GLIS3: variants seen among roughly 807,000 people sequenced by gnomAD.
The protein encoded by GLIS3 is GLIS family zinc finger 3, also known as zinc finger protein GLIS3.
Under a neutral mutation model 78.6 loss-of-function variants are expected in GLIS3, and 53 were observed. The observed-to-expected ratio is 0.67, with a 90% CI of 0.54 to 0.85. The LOEUF is 0.85. Ranked by LOEUF, GLIS3 falls within the 40% of genes least tolerant of loss-of-function variation. GLIS3 has a pLI of 0.00. For missense variants in GLIS3, 1,703 were observed against 1,231.1 expected, an observed-to-expected ratio of 1.38 and a Z score of -5.74; for synonymous variants, 684 against 509.9, an observed-to-expected ratio of 1.34 and a Z score of -4.60.
the GLIS3 span, among the ~76,000 whole-genome samples, chr9:4,412,363 C>T: frequency 4.6e-5 from 7 of 152,164 alleles, no homozygotes; most frequent in African/African-American, 1.7e-4. Flanking sequence ...AAGTTTAGAT[C>T]TTGAAGCAGA....
the GLIS3 span, among the ~76,000 whole-genome samples, chr9:4,490,000 CA>C: frequency 6.6e-6 from 1 of 152,218 alleles, no homozygotes; most frequent in African/African-American, 2.4e-5. Flanking sequence ...GCTGCTGGCA[CA>C]TCCCAGCCTG....
intron 7 of GLIS3, among the ~76,000 whole-genome samples, chr9:3,895,116 C>T (rs1452688440): frequency 1.3e-5 from 2 of 152,208 alleles, no homozygotes; most frequent in Non-Finnish European, 2.9e-5. Flanking sequence ...TCCACACTGT[C>T]CATGATATCT....
chr9:3,995,893 T>C (rs75771466), intron 4 of GLIS3, among the ~76,000 whole-genome samples: 1,842 of 152,188 alleles, frequency 0.012, 39 homozygotes, highest in African/African-American at 0.042. Flanking sequence ...TGGCAACATT[T>C]TGAAAAAGAA....
intron 9 of GLIS3, among the ~76,000 whole-genome samples, chr9:3,833,317 A>G (rs537119178): frequency 2.0e-5 from 3 of 152,312 alleles, no homozygotes; most frequent in African/African-American, 7.2e-5. Flanking sequence ...GTTTTCATAT[A>G]TTCTCTTCCC....
At chr9:4,214,864 T>C (rs988546548) in intron 2 of GLIS3, among the ~76,000 whole-genome samples, 1 of 152,288 alleles carries the variant, frequency 6.6e-6, no homozygotes, top group East Asian at 1.9e-4. Context: ...GCAAGGCTGG[T>C]CAATGGCATA....
chr9:4,117,658 C>A, intron 4 of GLIS3, 110 bp downstream of exon 4: 1 of 1,223,240 alleles, frequency 8.2e-7, no homozygotes, highest in Non-Finnish European at 1.2e-6. Context: ...CTCATGGATA[C>A]CTAGACCCCC....
intron 4 of GLIS3, among the ~76,000 whole-genome samples, chr9:3,985,445 G>A (rs1819663203): frequency 6.6e-6 from 1 of 152,148 alleles, no homozygotes; most frequent in Non-Finnish European, 1.5e-5. Flanking sequence ...ACTGCACCCA[G>A]CCCCAGTCAA....
intron 4 of GLIS3, among the ~76,000 whole-genome samples, chr9:3,986,123 T>C (rs494215): frequency 0.29 from 44,623 of 152,122 alleles, 6,567 homozygotes; most frequent in Non-Finnish European, 0.31. Flanking sequence ...ATTTTCAATA[T>C]CTTAGAGCCA....
At chr9:4,397,912 C>T in the GLIS3 span, among the ~76,000 whole-genome samples, 17 of 152,078 alleles carry the variant, frequency 1.1e-4, no homozygotes, top group South Asian at 3.3e-3. Context: ...TCTCTATAGA[C>T]ATTCCTCCAT....
intron 4 of GLIS3, among the ~76,000 whole-genome samples, chr9:4,028,390 G>C (rs1401378266): frequency 2.0e-5 from 3 of 152,108 alleles, no homozygotes; most frequent in Non-Finnish European, 4.4e-5. Context: ...TGGGACCAAA[G>C]GATTTCCCAT....
At chr9:4,026,349 G>A (rs773443578) in intron 4 of GLIS3, among the ~76,000 whole-genome samples, 1 of 152,124 alleles carries the variant, frequency 6.6e-6, no homozygotes, top group South Asian at 2.1e-4. Flanking sequence ...TTTTATCATT[G>A]TACTATCTGA....
chr9:4,024,227 C>T (rs543057696), intron 4 of GLIS3, among the ~76,000 whole-genome samples: 2 of 152,122 alleles, frequency 1.3e-5, no homozygotes, highest in South Asian at 2.1e-4. Flanking sequence ...CGAGACTGTA[C>T]AGTGAATTAA....
In GLIS3 at chr9:4,118,139, G is replaced by C; in HGVS notation, c.1339C>G (p.Pro447Ala). 6.4e-7 allele frequency: 1 copy of C among 1,551,102 alleles called. No homozygotes were observed. Residue 447 changes from proline to alanine, a missense_variant, in exon 4 of 11, where the codon CCT (proline) becomes GCT (alanine). Transcript: ENST00000381971. The surrounding 1 kb of genome is among the most constrained non-coding windows in gnomAD (Gnocchi z 4.7). ...GGCGGCGGCAGAGGAGGGAGCGGAG[G>C]CGCGGGGGGTAGGTCTACGGTGCTG... ...PGSTVDLPPA[P>A]PLPPLPPPPG...
rs558594316 is a variant in GLIS3 at position 3,846,202 on chromosome 9, C to T, written c.2473+9807G>A. The stretch of plus-strand genomic sequence containing the variant: ...ATAAGGAACCGCATATTTATGGTTC[C>T]GTACTTAACTTTCAAGCAAAAGCAA... On this transcript the variant is annotated intron_variant, in intron 9 of 10. Coordinates refer to ENST00000381971, the MANE Select transcript of GLIS3 (RefSeq NM_001042413.2). Among the ~76,000 whole-genome samples the T allele has an allele frequency of 6.6e-5, 10 of 152,250 alleles. No individual in the cohort carries two copies. The South Asian group carries it at 1.7e-3, about 25-fold the overall frequency.
chr9:4,278,743 G>A (rs1003326046), intron 2 of GLIS3, among the ~76,000 whole-genome samples: 16 of 152,174 alleles, frequency 1.1e-4, no homozygotes, highest in African/African-American at 3.1e-4. Flanking sequence ...CAAGATATTC[G>A]CACAAGGTTA....
chr9:4,057,641 A>G (rs973460114), intron 4 of GLIS3, among the ~76,000 whole-genome samples: 1 of 152,112 alleles, frequency 6.6e-6, no homozygotes, highest in South Asian at 2.1e-4. Context: ...ATGAAAAAAA[A>G]TTGAAGAAGA....
At chr9:4,181,903 C>A (rs1193636354) in intron 2 of GLIS3, among the ~76,000 whole-genome samples, 1 of 152,184 alleles carries the variant, frequency 6.6e-6, no homozygotes, top group Non-Finnish European at 1.5e-5. Context: ...CCAGCCCCAA[C>A]CGAGTTAGCC....
chr9:3,917,708 C>T (rs1824614666), intron 6 of GLIS3, among the ~76,000 whole-genome samples: 1 of 151,990 alleles, frequency 6.6e-6, no homozygotes, highest in South Asian at 2.1e-4. Flanking sequence ...ACGACCTCAC[C>T]CAGGTCCAAG....
chr9:4,022,714 C>T (rs1242345006), intron 4 of GLIS3, among the ~76,000 whole-genome samples: 2 of 151,998 alleles, frequency 1.3e-5, no homozygotes, highest in Non-Finnish European at 2.9e-5. Context: ...ATGCATCCAC[C>T]CAGTGAAACA....
Sources: allele counts gnomAD v4.1 joint callset (sites outside exome capture counted in the v4.1 genomes callset), GRCh38; gene constraint gnomAD v4.1.1; non-coding constraint Gnocchi (gnomAD v3.1); transcripts MANE v1.5; gene names NCBI Gene and HGNC (gene_info 2026-07-23, HGNC 2026-07-21).